PCDHA7: variants seen among roughly 807,000 people sequenced by gnomAD.
The protein encoded by PCDHA7 is protocadherin alpha-7.
Under a neutral mutation model 57.2 loss-of-function variants are expected in PCDHA7, and 37 were observed. That is an observed-to-expected ratio of 0.65 (90% CI 0.50 to 0.85). The LOEUF (loss-of-function observed/expected upper bound fraction) is 0.85, where lower values mean the gene tolerates loss of function less well. PCDHA7 is among the 40% of genes least tolerant of loss of function. The pLI, the probability that PCDHA7 is intolerant of heterozygous loss-of-function variation, is 0.00. For synonymous variants in PCDHA7, 553 were observed against 558.8 expected (o/e 0.99, Z 0.15); for missense variants, 1,188 against 1,241.8 (o/e 0.96, Z 0.65).
intron 1 of PCDHA7, among the ~76,000 whole-genome samples, chr5:140,884,922 T>C (rs1253595342): frequency 6.6e-6 from 1 of 152,246 alleles, no homozygotes; most frequent in African/African-American, 2.4e-5. Context: ...TAGTTCTAAG[T>C]ATTTATCTTG....
At chr5:140,842,829 C>A (rs2150345601) in intron 1 of PCDHA7, 3 of 1,593,748 alleles carry the variant, frequency 1.9e-6, no homozygotes, top group Admixed American at 3.4e-5. Flanking sequence ...GGCGAGCGCT[C>A]GCTGTCGAGC....
chr5:140,996,944 ATATT>A (rs2097754010), intron 3 of PCDHA7, among the ~76,000 whole-genome samples: 1 of 152,144 alleles, frequency 6.6e-6, no homozygotes, highest in Non-Finnish European at 1.5e-5. Flanking sequence ...TTGCATAGAA[ATATT>A]TATTTCCCTC....
In PCDHA7 at chr5:141,009,694, A is replaced by G. The variant is rs782798367; in HGVS notation, c.2571A>G (p.Lys857=). The part of the protein sequence containing the change: ...AGVNSNSWTF[K]YGPGNPKQSG... ...TCAACAGCAACAGCTGGACCTTTAA[A>G]TACGGACCAGGCAACCCCAAACAAT... is the stretch of plus-strand genomic sequence containing the variant. The change falls in exon 4 of 4, where the codon AAA becomes AAG. Residue 857 remains lysine (K), a synonymous_variant. Transcript: ENST00000525929. 5 of 1,613,890 alleles carry G rather than the reference A, an allele frequency of 3.1e-6. No homozygotes were observed. In the Admixed American group the frequency reaches 6.7e-5, roughly 22 times the overall value.
chr5:140,882,836 T>C (rs782210486), intron 1 of PCDHA7: 1 of 1,614,226 alleles, frequency 6.2e-7, no homozygotes, highest in South Asian at 1.1e-5. Flanking sequence ...TGAGCAAATG[T>C]CTTCATTATC....
chr5:140,999,987 G>T (rs1033618024), intron 3 of PCDHA7, among the ~76,000 whole-genome samples: 6 of 152,042 alleles, frequency 3.9e-5, no homozygotes, highest in Non-Finnish European at 7.4e-5. Context: ...CGGCCTCTGG[G>T]TAGTGGTATT....
chr5:140,843,779 T>A, intron 1 of PCDHA7: 1 of 1,431,270 alleles, frequency 7.0e-7, no homozygotes, highest in African/African-American at 1.4e-5. Flanking sequence ...ACTTTAAAAG[T>A]GTTTCAGATT....
chr5:140,862,553 C>T (rs561370771), intron 1 of PCDHA7: 12 of 463,418 alleles, frequency 2.6e-5, no homozygotes, highest in Non-Finnish European at 4.4e-5. Context: ...AGTGGCCGAA[C>T]AGTGAACCAC....
At chr5:140,854,786 T>C (rs1450624058) in intron 1 of PCDHA7, 1 of 149,564 alleles carries the variant, frequency 6.7e-6, no homozygotes, top group Admixed American at 6.7e-5. Context: ...TTCAAGAACT[T>C]TGAGAGAGAA....
At position 140,836,068 on chromosome 5, in the gene PCDHA7, C is replaced by T. The variant is rs2150251885; in HGVS notation, c.1685C>T (p.Ala562Val). 8.1e-6 allele frequency: 13 copies of T among 1,613,540 alleles called. No individual in the cohort carries two copies. The highest frequency in any genetic ancestry group is 1.6e-4 in the Middle Eastern group (1 of 6,084). ...TTCGTGCTGGACGAGAACGACAACG[C>T]GCCGGCACTGCTGGCGCCTCGGGTG... Reference protein sequence around the residue: ...QVFVLDENDNAPALLAPRVGG... With the variant: ...QVFVLDENDNVPALLAPRVGG... Residue 562 changes from alanine to valine, a missense_variant, in exon 1 of 4, where the codon GCG becomes GTG. This residue lies in a region of PCDHA7 where 892 missense variants were observed against 788.5 expected (regional missense o/e 1.13). Coordinates refer to ENST00000525929, the MANE Select transcript of PCDHA7 (RefSeq NM_018910.3).
Position 140,926,391 on chromosome 5 carries a change from A to T in PCDHA7, c.2356-52558A>T, listed in dbSNP as rs76822698. On this transcript the variant is annotated intron_variant, in intron 1 of 3. Coordinates refer to ENST00000525929, the MANE Select transcript of PCDHA7 (RefSeq NM_018910.3). ...AGGAAGAGCCCAGCTGGGCTCAGCCACAGTTATCAGCAATCTGCGGGCAGA... is the reference window on the plus strand; with the variant it reads ...AGGAAGAGCCCAGCTGGGCTCAGCCTCAGTTATCAGCAATCTGCGGGCAGA... 1,228 of 152,462 alleles carry T rather than the reference A, an allele frequency of 8.1e-3. 5 individuals carry two copies. The highest frequency in any genetic ancestry group is 0.019 in the African/African-American group (792 of 41,554). The allele number at this position is 152,462 out of a possible 1,614,324, so 9.4% of individuals were successfully genotyped here.
intron 3 of PCDHA7, among the ~76,000 whole-genome samples, chr5:141,003,100 T>TTCACAATC (rs1311391173): frequency 6.6e-6 from 1 of 152,240 alleles, no homozygotes; most frequent in African/African-American, 2.4e-5. Flanking sequence ...TGGCATTTGC[T>TTCACAATC]TCACAATCTT....
chr5:140,834,569 C>A lies in PCDHA7; in HGVS notation c.186C>A (p.Arg62=). ...TGGAGCTGGCGGAGCTGGTGCCGCG[C>A]CTGTTCCGGGCGGTGTGCAAATTCC... ...LGLELAELVP[R]LFRAVCKFRG... Residue 62 remains arginine, a synonymous_variant, in exon 1 of 4, where the codon CGC becomes CGA. Transcript: ENST00000525929. 6.2e-7 allele frequency: 1 copy of A among 1,614,088 alleles called. No homozygotes were observed. The highest frequency in any genetic ancestry group is 1.1e-5 in the South Asian group (1 of 91,078).
chr5:140,843,522 C>A lies in PCDHA7; in HGVS notation c.2355+6784C>A, dbSNP rs1554140167. 1.9e-6 allele frequency: 3 copies of A among 1,595,678 alleles called. No individual in the cohort carries two copies. In the South Asian group the frequency reaches 3.3e-5, roughly 18 times the overall value. On this transcript the variant is annotated intron_variant, in intron 1 of 3. Transcript: ENST00000525929. ...CTGCCCACTGAGGGCGGGTGCCGGGCGGGCAAGCCCACTCTGGTGTGCTCC... is the reference window on the plus strand; with the variant it reads ...CTGCCCACTGAGGGCGGGTGCCGGGAGGGCAAGCCCACTCTGGTGTGCTCC...
At chr5:140,852,245 A>G (rs2042277804) in intron 1 of PCDHA7, 6 of 557,120 alleles carry the variant, frequency 1.1e-5, no homozygotes, top group Non-Finnish European at 1.4e-5. Flanking sequence ...CTTAAAACAC[A>G]CTTTTGGAAT....
chr5:140,886,281 T>C (rs2060932567), intron 1 of PCDHA7, among the ~76,000 whole-genome samples: 1 of 151,934 alleles, frequency 6.6e-6, no homozygotes, highest in African/African-American at 2.4e-5. Flanking sequence ...TTTTTAAAAT[T>C]ATTTTTATAT....
At chr5:140,938,251 A>C (rs1015321564) in intron 1 of PCDHA7, among the ~76,000 whole-genome samples, 4 of 152,176 alleles carry the variant, frequency 2.6e-5, no homozygotes, top group Non-Finnish European at 5.9e-5. Context: ...TGGTCTTTTA[A>C]AAACTTTCTA....
At chr5:140,923,364 A>C (rs1414879540) in intron 1 of PCDHA7, among the ~76,000 whole-genome samples, 1 of 152,106 alleles carries the variant, frequency 6.6e-6, no homozygotes, top group African/African-American at 2.4e-5. Flanking sequence ...TATCTTTATA[A>C]AATATTTTTA....
At chr5:140,982,391 G>T (rs539713475) in intron 2 of PCDHA7, 84 bp from the exon 3 acceptor site, 2 of 1,597,556 alleles carry the variant, frequency 1.3e-6, no homozygotes, top group South Asian at 1.1e-5. Flanking sequence ...TGGCTTCATA[G>T]TTGTAAGCAA....
intron 1 of PCDHA7, among the ~76,000 whole-genome samples, chr5:140,837,963 AC>A (rs1775339746): frequency 6.6e-6 from 1 of 151,764 alleles, no homozygotes; most frequent in Non-Finnish European, 1.5e-5. Context: ...ACAGACACGA[AC>A]AACCACACCC....
Sources: gnomAD v4.1 joint callset for allele counts (sites outside exome capture counted in the v4.1 genomes callset) on GRCh38, gnomAD v4.1.1 for gene constraint, gnomAD v4.1.1 regional missense constraint, MANE v1.5 for transcripts, NCBI Gene and HGNC (gene_info 2026-07-23, HGNC 2026-07-21) for gene names.